The following CFHR3 variants were observed in gnomAD, a reference collection of about 807,000 sequenced individuals.
The protein encoded by CFHR3 is complement factor H related 3.
In CFHR3, 22 loss-of-function variants were observed where a neutral mutation model predicts 36.0. The observed-to-expected ratio is 0.61, with a 90% CI of 0.44 to 0.87. The LOEUF is 0.87. Ranked by LOEUF, CFHR3 falls within the 40% of genes least tolerant of loss-of-function variation. The pLI is 0.00. For synonymous variants in CFHR3, 97 were observed against 137.4 expected, an observed-to-expected ratio of 0.71 and a Z score of 2.06; for missense variants, 276 against 401.3, an observed-to-expected ratio of 0.69 and a Z score of 2.67.
rs1385198620 is a variant in CFHR3 at position 196,792,957 on chromosome 1, G to C, written c.797-360G>C. Reference sequence around the variant, plus strand: ...CTTGTAGTCACGGCTTGTCGAATGGGGGAAAGGAGGATAAGTAACCATGAC... The same window carrying C: ...CTTGTAGTCACGGCTTGTCGAATGGCGGAAAGGAGGATAAGTAACCATGAC... On this transcript the variant is annotated intron_variant, in intron 5 of 5. Transcript: ENST00000367425. 1.2e-4 allele frequency among the ~76,000 whole-genome samples: 16 copies of C among 134,870 alleles called. 2 individuals are homozygous for C. Among genetic ancestry groups the C allele is most frequent in the Non-Finnish European group, 2.2e-4 (14 of 64,084 alleles). The allele number at this position is 134,870 out of a possible 152,430, so 88.5% of individuals were successfully genotyped here. A position where few individuals can be genotyped will look rare whatever the true frequency, so the allele number is the denominator to read the frequency against.
chr1:196,785,509 G>A lies in CFHR3; in HGVS notation c.431-2707G>A, dbSNP rs1341784716. On this transcript the variant is annotated intron_variant, in intron 3 of 5. Transcript: ENST00000367425. ...TTGGAGGTTTTGTTCATTTCTTTTTGGTCTTTTTTCTCTAAACTTCCCTTC... is the reference window on the plus strand; with the variant it reads ...TTGGAGGTTTTGTTCATTTCTTTTTAGTCTTTTTTCTCTAAACTTCCCTTC... Among the ~76,000 whole-genome samples, 13 of 134,192 alleles carry A rather than the reference G, an allele frequency of 9.7e-5. 3 individuals carry two copies. The highest frequency in any genetic ancestry group is 2.5e-4 in the African/African-American group (8 of 31,376). The allele number at this position is 134,192 out of a possible 152,430, so 88.0% of individuals were successfully genotyped here.
chr1:196,782,584 T>C (rs543809511), intron 3 of CFHR3, among the ~76,000 whole-genome samples: 2,579 of 136,886 alleles, frequency 0.019, 674 homozygotes, highest in African/African-American at 0.071. Flanking sequence ...GGGAGTTCAC[T>C]CATGATTTGG....
In CFHR3 at chr1:196,779,907, A is replaced by G. The variant is rs1354006712; in HGVS notation, c.364A>G (p.Lys122Glu). Residue 122 changes from lysine (K) to glutamate (E), a missense_variant, in exon 3 of 6, where the codon AAA becomes GAA. This residue lies in a region of CFHR3 where 178 missense variants were observed against 247.2 expected (regional missense o/e 0.72). Transcript: ENST00000367425. ...CTGCCATCCTGGCTACGGTCTTCCA[A>G]AAGCGCAGACCACAGTTACATGTAC... ...VACHPGYGLP[K>E]AQTTVTCTEK... 5 of 1,533,550 alleles carry G rather than the reference A, an allele frequency of 3.3e-6. No individual in the cohort carries two copies. The East Asian group carries it at 1.1e-4, about 34-fold the overall frequency. The allele number at this position is 1,533,550 out of a possible 1,614,324, so 95.0% of individuals were successfully genotyped here. A position where few individuals can be genotyped will look rare whatever the true frequency, so the allele number is the denominator to read the frequency against.
chr1:196,793,802 C>CA lies in CFHR3; in HGVS notation c.*290dup. 3.6e-6 allele frequency: 1 copy of CA among 274,876 alleles called. No individual in the cohort carries two copies. Among genetic ancestry groups the CA allele is most frequent in the Non-Finnish European group, 6.7e-6 (1 of 148,910 alleles). The allele number at this position is 274,876 out of a possible 1,614,324, so 17.0% of individuals were successfully genotyped here. ...AGACAGACAGCTGAATGGCTTTCTGCATATTGTATAGTATACCTAGACATA... is the reference window on the plus strand; with the variant it reads ...AGACAGACAGCTGAATGGCTTTCTGCAATATTGTATAGTATACCTAGACATA... On this transcript the variant is annotated 3_prime_UTR_variant, in exon 6 of 6. Transcript: ENST00000367425.
At chr1:196,776,316 C>G (rs1180813164) in intron 1 of CFHR3, among the ~76,000 whole-genome samples, 2 of 136,830 alleles carry the variant, frequency 1.5e-5, no homozygotes, top group East Asian at 3.9e-4. Context: ...TGGGTTGCAC[C>G]TATATTTCTC....
At chr1:196,784,858 G>C (rs1654125202) in intron 3 of CFHR3, among the ~76,000 whole-genome samples, 1 of 133,102 alleles carries the variant, frequency 7.5e-6, no homozygotes, top group Non-Finnish European at 1.6e-5. Flanking sequence ...GATGTTAGCT[G>C]GTTATTTTGC....
rs1271787183 is a variant in CFHR3 at position 196,787,157 on chromosome 1, A to T, written c.431-1059A>T. ...CGAAAGATAATGGGAATCTTCCTAC[A>T]CCATTATAGGAGCAACTGTCCTCAA... On this transcript the variant is annotated intron_variant, in intron 3 of 5. Coordinates refer to ENST00000367425, the MANE Select transcript of CFHR3 (RefSeq NM_021023.6). Among the ~76,000 whole-genome samples, 3 of 137,074 alleles carry T rather than the reference A, an allele frequency of 2.2e-5. 1 individual carries two copies. The highest frequency in any genetic ancestry group is 4.6e-5 in the Non-Finnish European group (3 of 64,610). The allele number at this position is 137,074 out of a possible 152,430, so 89.9% of individuals were successfully genotyped here.
At chr1:196,775,238 G>T (rs1249474802) in intron 1 of CFHR3, among the ~76,000 whole-genome samples, 1 of 136,790 alleles carries the variant, frequency 7.3e-6, no homozygotes, top group Non-Finnish European at 1.6e-5. Context: ...CTTTAAGTAG[G>T]AAACATGTCA....
In CFHR3 at chr1:196,776,419, C is replaced by T. The variant is rs1335523111; in HGVS notation, c.58+1475C>T. 1.5e-5 allele frequency among the ~76,000 whole-genome samples: 2 copies of T among 137,460 alleles called. 1 individual carries two copies. The highest frequency in any genetic ancestry group is 3.1e-5 in the Non-Finnish European group (2 of 64,582). 90.2% of individuals were successfully genotyped at this position (137,460 alleles called of 152,430 possible). On this transcript the variant is annotated intron_variant, in intron 1 of 5. Transcript: ENST00000367425. The stretch of plus-strand genomic sequence containing the variant: ...TAGCATTGGCTCAACTGCATCCCGC[C>T]AAAATTCATTTGTTAAAGTCCAAAT...
rs376975192 is a variant in CFHR3, at chr1:196,790,227, C to T, written c.796C>T (p.His266Tyr). Residue 266 changes from histidine (H) to tyrosine (Y), a missense_variant and splice_region_variant, in exon 5 of 6, where the codon CAT (histidine) becomes TAT (tyrosine). His to Tyr is a moderately conservative substitution (Grantham distance 83, BLOSUM62 2). This residue lies in a region of CFHR3 where 76 missense variants were observed against 79.8 expected (regional missense o/e 0.95). Transcript: ENST00000367425. Reference protein sequence around the residue: ...GEWSEPPRCIHPCIITEENMN... With the variant: ...GEWSEPPRCIYPCIITEENMN... ...GTGGTCGGAACCACCAAGATGCATA[C>T]GTAAGTTCTTAAAATTCTAGATCCT... The T allele has an allele frequency of 1.2e-4, 156 of 1,257,604 alleles. 39 individuals are homozygous for T. Among genetic ancestry groups the T allele is most frequent in the Admixed American group, 2.3e-4 (10 of 42,980 alleles). 77.9% of individuals were successfully genotyped at this position (1,257,604 alleles called of 1,614,324 possible).
rs1653860450 is a variant in CFHR3 at position 196,779,517 on chromosome 1, T to G, written c.253+161T>G. Among the ~76,000 whole-genome samples the G allele has an allele frequency of 1.5e-5, 2 of 136,298 alleles. 1 individual carries two copies. Among genetic ancestry groups the G allele is most frequent in the African/African-American group, 6.2e-5 (2 of 32,510 alleles). 89.4% of individuals were successfully genotyped at this position (136,298 alleles called of 152,430 possible). On this transcript the variant is annotated intron_variant, in intron 2 of 5. Coordinates refer to ENST00000367425, the MANE Select transcript of CFHR3 (RefSeq NM_021023.6). ...AATAGATCTTTTCTATTATGAGGAG[T>G]TCTTGAAAATCATATGAAAAATAAA...
At chr1:196,793,290 T>A in intron 5 of CFHR3, 27 bp from the exon 6 acceptor site, 1 of 1,475,626 alleles carries the variant, frequency 6.8e-7, no homozygotes, top group Non-Finnish European at 9.2e-7. Flanking sequence ...AAAATTATGA[T>A]TGTTAATTGT....
At position 196,783,976 on chromosome 1, in the gene CFHR3, G is replaced by A. The variant is rs1203302531; in HGVS notation, c.430+4003G>A. On this transcript the variant is annotated intron_variant, in intron 3 of 5. Coordinates refer to ENST00000367425, the MANE Select transcript of CFHR3 (RefSeq NM_021023.6). Reference sequence around the variant, plus strand: ...TTTCCCTCTACACACTGCTTTGAATGTGTCCCATAGATTCTGGTATGTTGT... The same window carrying A: ...TTTCCCTCTACACACTGCTTTGAATATGTCCCATAGATTCTGGTATGTTGT... Among the ~76,000 whole-genome samples the A allele has an allele frequency of 2.2e-5, 3 of 135,816 alleles. 1 individual carries two copies. Among genetic ancestry groups the A allele is most frequent in the Non-Finnish European group, 4.7e-5 (3 of 64,312 alleles). The allele number at this position is 135,816 out of a possible 152,430, so 89.1% of individuals were successfully genotyped here. A position where few individuals can be genotyped will look rare whatever the true frequency, so the allele number is the denominator to read the frequency against.
At chr1:196,775,891 C>G (rs767206951) in intron 1 of CFHR3, among the ~76,000 whole-genome samples, 2 of 136,748 alleles carry the variant, frequency 1.5e-5, no homozygotes, top group African/African-American at 3.0e-5. Flanking sequence ...AACCACTCTT[C>G]GCGAAGCTAT....
chr1:196,788,712 G>T, intron 4 of CFHR3: 1 of 1,454,936 alleles, frequency 6.9e-7, no homozygotes, highest in South Asian at 1.3e-5. Flanking sequence ...AAACTTTGTT[G>T]TCTTCCCTTT....
Position 196,792,801 on chromosome 1 carries a change from A to G in CFHR3, c.797-516A>G, listed in dbSNP as rs1301912552. On this transcript the variant is annotated intron_variant, in intron 5 of 5. Transcript: ENST00000367425. ...TTTATGTATGTATGTATGTATGTATATATAGTTTCATTTTAACAGATGACT... is the reference window on the plus strand; with the variant it reads ...TTTATGTATGTATGTATGTATGTATGTATAGTTTCATTTTAACAGATGACT... 5.1e-5 allele frequency among the ~76,000 whole-genome samples: 7 copies of G among 137,084 alleles called. 2 individuals are homozygous for G. The highest frequency in any genetic ancestry group is 7.0e-5 in the Admixed American group (1 of 14,188). 89.9% of individuals were successfully genotyped at this position (137,084 alleles called of 152,430 possible).
chr1:196,784,401 T>G lies in CFHR3; in HGVS notation c.431-3815T>G, dbSNP rs927158958. Among the ~76,000 whole-genome samples the G allele has an allele frequency of 3.7e-5, 5 of 135,632 alleles. 2 individuals carry two copies. Among genetic ancestry groups the G allele is most frequent in the African/African-American group, 1.6e-4 (5 of 32,054 alleles). 89.0% of individuals were successfully genotyped at this position (135,632 alleles called of 152,430 possible). On this transcript the variant is annotated intron_variant, in intron 3 of 5. Transcript: ENST00000367425. ...TTGATCTGTCTAATGTTGACAGTGGTGTGTTAAAGTCTCCCATTATTATTG... is the reference window on the plus strand; with the variant it reads ...TTGATCTGTCTAATGTTGACAGTGGGGTGTTAAAGTCTCCCATTATTATTG...
chr1:196,776,104 G>T lies in CFHR3; in HGVS notation c.58+1160G>T, dbSNP rs1340187439. Reference sequence around the variant, plus strand: ...AATAAAGACTAAATAGATTAAAGTAGAATGCAAAGAAGAAAATACTACTAT... The same window carrying T: ...AATAAAGACTAAATAGATTAAAGTATAATGCAAAGAAGAAAATACTACTAT... On this transcript the variant is annotated intron_variant, in intron 1 of 5. Transcript: ENST00000367425. 7.4e-5 allele frequency among the ~76,000 whole-genome samples: 9 copies of T among 121,150 alleles called. 2 individuals are homozygous for T. In the Admixed American group the frequency reaches 7.6e-4, roughly 10 times the overall value. The allele number at this position is 121,150 out of a possible 152,430, so 79.5% of individuals were successfully genotyped here.
rs1298723955 is a variant in CFHR3 at position 196,795,178 on chromosome 1, G to A, written c.*1665G>A. On this transcript the variant is annotated 3_prime_UTR_variant, in exon 6 of 6. Coordinates refer to ENST00000367425, the MANE Select transcript of CFHR3 (RefSeq NM_021023.6). ...TCACCATGCATCAAAGGTAGGGCCAGGTGGAGATAATGGAATCATGGGAGC... is the reference window on the plus strand; with the variant it reads ...TCACCATGCATCAAAGGTAGGGCCAAGTGGAGATAATGGAATCATGGGAGC... The A allele has an allele frequency of 1.5e-5, 2 of 136,816 alleles. 1 individual carries two copies. The highest frequency in any genetic ancestry group is 6.1e-5 in the African/African-American group (2 of 32,770). 8.5% of individuals were successfully genotyped at this position (136,816 alleles called of 1,614,324 possible).
Sources: gnomAD v4.1 joint callset for allele counts (sites outside exome capture counted in the v4.1 genomes callset) on GRCh38, gnomAD v4.1.1 for gene constraint, gnomAD v4.1.1 regional missense constraint, MANE v1.5 for transcripts, NCBI Gene and HGNC (gene_info 2026-07-23, HGNC 2026-07-21) for gene names.